The following SHB variants were observed in gnomAD, a reference collection of about 807,000 sequenced individuals.
SHB encodes the protein SH2 domain containing adaptor protein B.
Under a neutral mutation model 52.3 loss-of-function variants are expected in SHB, and 20 were observed. The ratio of observed to expected loss-of-function variants is 0.38; its 90% CI spans 0.27 to 0.56. SHB has a LOEUF of 0.56. Ranked by LOEUF, SHB falls within the 20% of genes least tolerant of loss-of-function variation. SHB has a pLI of 0.71. For synonymous variants in SHB, 397 were observed against 316.5 expected (o/e 1.25, Z -2.70); for missense variants, 825 against 723.3 (o/e 1.14, Z -1.61).
rs560377161 is a variant in SHB, at chr9:38,016,780, C to A, written c.718-649G>T. ...GACCTGAAAGCAACAAACCCAAAGA[C>A]CCCTCGACAACACATGGGTAAACTG... On this transcript the variant is annotated intron_variant, in intron 1 of 5. Transcript: ENST00000377707. Among the ~76,000 whole-genome samples the A allele has an allele frequency of 3.1e-4, 47 of 152,302 alleles. 2 individuals are homozygous for A. Among genetic ancestry groups the A allele is most frequent in the Non-Finnish European group, 1.2e-4 (8 of 68,020 alleles).
At chr9:38,060,334 C>A (rs139478654) in intron 1 of SHB, among the ~76,000 whole-genome samples, 287 of 152,210 alleles carry the variant, frequency 1.9e-3, no homozygotes, top group Non-Finnish European at 3.2e-3. Flanking sequence ...GCCAACACGC[C>A]GAGCTAATTT....
intron 2 of SHB, among the ~76,000 whole-genome samples, chr9:37,997,788 C>T (rs1374241248): frequency 6.6e-6 from 1 of 152,232 alleles, no homozygotes; most frequent in African/African-American, 2.4e-5. Context: ...CTCCATCACC[C>T]CAGGGCAGAT....
intron 1 of SHB, among the ~76,000 whole-genome samples, chr9:38,059,995 T>C (rs1821872084): frequency 6.6e-6 from 1 of 152,156 alleles, no homozygotes; most frequent in Non-Finnish European, 1.5e-5. Context: ...ACTTCTACCA[T>C]GCCAACAGAG....
chr9:37,995,189 C>T (rs954904080), intron 2 of SHB, among the ~76,000 whole-genome samples: 13 of 152,124 alleles, frequency 8.5e-5, no homozygotes, highest in African/African-American at 3.1e-4. Flanking sequence ...CACACAGACA[C>T]GCACTTCAGA....
At chr9:37,938,499 G>GT (rs1832399736) in intron 5 of SHB, among the ~76,000 whole-genome samples, 2 of 152,334 alleles carry the variant, frequency 1.3e-5, no homozygotes, top group South Asian at 4.1e-4. Flanking sequence ...GGAAAGAAAT[G>GT]TTTTTCTCAT....
intron 5 of SHB, among the ~76,000 whole-genome samples, chr9:37,920,310 C>CAA (rs1442645117): frequency 2.0e-5 from 3 of 147,398 alleles, no homozygotes; most frequent in Non-Finnish European, 4.5e-5. Context: ...CAAAACAAAA[C>CAA]AAAACAAAAC....
intron 3 of SHB, among the ~76,000 whole-genome samples, chr9:37,960,207 G>A (rs930008692): frequency 6.6e-6 from 1 of 152,096 alleles, no homozygotes; most frequent in African/African-American, 2.4e-5. Flanking sequence ...CAGTGATTCG[G>A]CAGCCTAAGA....
intron 5 of SHB, among the ~76,000 whole-genome samples, chr9:37,930,526 C>G (rs995139241): frequency 2.0e-5 from 3 of 152,204 alleles, no homozygotes; most frequent in Admixed American, 2.0e-4. Flanking sequence ...CTTGCTAAAG[C>G]ACAGTGCTCA....
intron 2 of SHB, among the ~76,000 whole-genome samples, chr9:37,999,986 A>T (rs994775720): frequency 6.6e-6 from 1 of 152,244 alleles, no homozygotes; most frequent in South Asian, 2.1e-4. Flanking sequence ...TATGAATCAC[A>T]GCTTTGTGAA....
At chr9:38,067,097 C>T (rs1821979331) in intron 1 of SHB, among the ~76,000 whole-genome samples, 1 of 152,100 alleles carries the variant, frequency 6.6e-6, no homozygotes, top group Non-Finnish European at 1.5e-5. Context: ...TCGTCTGCTT[C>T]AAAGGGAGGA....
chr9:38,010,026 G>A (rs1290558650), intron 2 of SHB, among the ~76,000 whole-genome samples: 1 of 152,158 alleles, frequency 6.6e-6, no homozygotes, highest in African/African-American at 2.4e-5. Flanking sequence ...CATCTAAAAA[G>A]GCGGCCTAAG....
At chr9:37,938,793 C>A (rs143026632) in intron 5 of SHB, among the ~76,000 whole-genome samples, 1 of 152,318 alleles carries the variant, frequency 6.6e-6, no homozygotes, top group East Asian at 1.9e-4. Context: ...TTGACGGGCA[C>A]GTCTGGCACT....
rs1051169856 is a variant in SHB at position 38,068,283 on chromosome 9, T to C, written c.363A>G (p.Pro121=). The change falls in exon 1 of 6, where the codon CCA becomes CCG. Residue 121 remains proline (P), a synonymous_variant. Coordinates refer to ENST00000377707, the MANE Select transcript of SHB (RefSeq NM_003028.3). ...CCGAGAAGGCGCGCTGGACCCCGCCTGGCTCCCCGCTGCCGCCGCAGTAGT... is the reference window on the plus strand; with the variant it reads ...CCGAGAAGGCGCGCTGGACCCCGCCCGGCTCCCCGCTGCCGCCGCAGTAGT... The part of the protein sequence containing the change: ...RLDYCGGSGE[P]GGVQRAFSAS... 8 of 1,476,362 alleles carry C rather than the reference T, an allele frequency of 5.4e-6. No individual in the cohort carries two copies. The African/African-American group carries it at 1.2e-4, about 22-fold the overall frequency. 91.5% of individuals were successfully genotyped at this position (1,476,362 alleles called of 1,614,324 possible).
At position 38,016,024 on chromosome 9, in the gene SHB, C is replaced by T; in HGVS notation, c.825G>A (p.Gln275=). The part of the protein sequence containing the change: ...SAGYMEPYEA[Q]RIMTEFQRQE... Reference sequence around the variant, plus strand: ...AGCTCCACTTACCTGTCATGATCCTCTGTGCCTCATAGGGCTCCATGTAGC... The same window carrying T: ...AGCTCCACTTACCTGTCATGATCCTTTGTGCCTCATAGGGCTCCATGTAGC... The change falls in exon 2 of 6, where the codon CAG becomes CAA. Residue 275 remains glutamine (Q), a synonymous_variant. Transcript: ENST00000377707. 6.2e-7 allele frequency: 1 copy of T among 1,614,214 alleles called. No individual in the cohort carries two copies. Among genetic ancestry groups the T allele is most frequent in the Admixed American group, 1.7e-5 (1 of 60,032 alleles).
chr9:37,922,336 T>C (rs973263068), intron 5 of SHB, among the ~76,000 whole-genome samples: 2 of 152,244 alleles, frequency 1.3e-5, no homozygotes, highest in African/African-American at 4.8e-5. Context: ...ATAGCAGCAA[T>C]GGCTCTGACA....
chr9:37,991,519 T>G (rs1157482589), intron 2 of SHB, among the ~76,000 whole-genome samples: 1 of 152,258 alleles, frequency 6.6e-6, no homozygotes, highest in East Asian at 1.9e-4. Context: ...ATGTACATTT[T>G]AATTATAACA....
intron 2 of SHB, among the ~76,000 whole-genome samples, chr9:37,975,558 C>T (rs4878726): frequency 0.57 from 87,022 of 152,072 alleles, 25,298 homozygotes; most frequent in East Asian, 0.77. Flanking sequence ...CCTGTCTAGA[C>T]GAGGTCCCAG....
At chr9:37,982,332 A>T (rs187444945) in intron 2 of SHB, among the ~76,000 whole-genome samples, 1 of 152,108 alleles carries the variant, frequency 6.6e-6, no homozygotes, top group Non-Finnish European at 1.5e-5. Context: ...GTCTCTACTA[A>T]AAATACAAAA....
intron 5 of SHB, among the ~76,000 whole-genome samples, chr9:37,921,678 C>A (rs1224772933): frequency 1.3e-5 from 2 of 152,218 alleles, no homozygotes; most frequent in Non-Finnish European, 2.9e-5. Flanking sequence ...AGGGTCATTT[C>A]ATCGGAGAAT....
Sources: allele counts gnomAD v4.1 joint callset (sites outside exome capture counted in the v4.1 genomes callset), GRCh38; gene constraint gnomAD v4.1.1; transcripts MANE v1.5; gene names NCBI Gene and HGNC (gene_info 2026-07-23, HGNC 2026-07-21).